The following PCLO variants were observed in gnomAD, a reference collection of about 807,000 sequenced individuals.
PCLO encodes piccolo presynaptic cytomatrix protein.
A neutral mutation model predicts 427.5 loss-of-function variants in PCLO; 82 were observed. The ratio of observed to expected loss-of-function variants is 0.19; its 90% CI spans 0.16 to 0.23. The LOEUF is 0.23. PCLO is among the 10% of genes least tolerant of loss of function. The probability of loss-of-function intolerance (pLI) is 1.00; values close to 1 mark genes in which losing one functional copy is unlikely to be tolerated. For synonymous variants in PCLO, 2,357 were observed against 2,155.4 expected (o/e 1.09, Z -2.59); for missense variants, 6,239 against 6,115.9 (o/e 1.02, Z -0.67).
At chr7:83,077,257 T>A (rs188204694) in intron 3 of PCLO, among the ~76,000 whole-genome samples, 1 of 152,258 alleles carries the variant, frequency 6.6e-6, no homozygotes, top group Admixed American at 6.5e-5. Context: ...GCTCTATTGT[T>A]ACCTCTTCTC....
chr7:82,806,133 T>C (rs1041794801), intron 20 of PCLO, among the ~76,000 whole-genome samples: 1 of 152,272 alleles, frequency 6.6e-6, no homozygotes, highest in Admixed American at 6.5e-5. Flanking sequence ...TGTGGTTTCT[T>C]TGTACAGTAT....
rs571969085 is a variant in PCLO, at chr7:82,919,158, G to A, written c.11113-2285C>T. On this transcript the variant is annotated intron_variant, in intron 6 of 24. Coordinates refer to ENST00000333891, the MANE Select transcript of PCLO (RefSeq NM_033026.6). ...ATGCTCTTATGTATTGATGGGTGCC[G>A]CAAACCACCATGGCACGTGTATACC... Among the ~76,000 whole-genome samples, 120 of 151,988 alleles carry A rather than the reference G, an allele frequency of 7.9e-4. 6 individuals are homozygous for A. The South Asian group carries it at 0.024, about 30-fold the overall frequency.
chr7:82,907,422 G>T (rs1311420972), intron 8 of PCLO, among the ~76,000 whole-genome samples: 3 of 151,904 alleles, frequency 2.0e-5, no homozygotes, highest in Non-Finnish European at 2.9e-5. Context: ...CACATTTAAA[G>T]AAGTTATTTT....
intron 3 of PCLO, among the ~76,000 whole-genome samples, chr7:83,120,102 T>C (rs1791237412): frequency 6.6e-6 from 1 of 151,990 alleles, no homozygotes; most frequent in Admixed American, 6.6e-5. Flanking sequence ...ACGATCAGAA[T>C]AGAAAGTTTA....
chr7:83,093,151 C>A (rs1307094434), intron 3 of PCLO, among the ~76,000 whole-genome samples: 1 of 151,652 alleles, frequency 6.6e-6, no homozygotes, highest in Non-Finnish European at 1.5e-5. Flanking sequence ...AATTGAAATG[C>A]AGAAAAATAT....
intron 3 of PCLO, among the ~76,000 whole-genome samples, chr7:83,038,031 T>TATATATA (rs1562932995): frequency 2.3e-3 from 39 of 17,232 alleles, no homozygotes; most frequent in Non-Finnish European, 3.2e-3. Context: ...ATATATATAT[T>TATATATA]TATATATTTA....
chr7:83,057,223 C>T (rs1418662074), intron 3 of PCLO, among the ~76,000 whole-genome samples: 2 of 140,154 alleles, frequency 1.4e-5, no homozygotes, highest in Non-Finnish European at 3.0e-5. Context: ...AGCTGTATTT[C>T]TAGTAGAGAC....
In PCLO at chr7:82,916,856, G is replaced by C. The variant is rs1303469274; in HGVS notation, c.11130C>G (p.Thr3710=). The C allele has an allele frequency of 6.2e-7, 1 of 1,612,360 alleles. No homozygotes were observed. The highest frequency in any genetic ancestry group is 1.3e-5 in the African/African-American group (1 of 74,762). Residue 3710 remains threonine, a synonymous_variant, in exon 7 of 25, where the codon ACC becomes ACG. Coordinates refer to ENST00000333891, the MANE Select transcript of PCLO (RefSeq NM_033026.6). ...TEGYTTKGSQ[T]MTSSGAQKKV... is the part of the protein sequence containing the mutation. ...TTTTCTGGGCTCCAGAGGATGTCAT[G>C]GTTTGAGAACCTTTAGTCTATAATC...
At chr7:82,842,293 G>C (rs946559602) in intron 13 of PCLO, among the ~76,000 whole-genome samples, 2 of 152,024 alleles carry the variant, frequency 1.3e-5, no homozygotes, top group Non-Finnish European at 2.9e-5. Context: ...AATGGGCAAA[G>C]GATAGTCTCT....
intron 3 of PCLO, among the ~76,000 whole-genome samples, chr7:83,065,016 A>G (rs774890264): frequency 2.0e-5 from 3 of 150,600 alleles, no homozygotes; most frequent in East Asian, 2.0e-4. Context: ...CGTTTTGTGT[A>G]CATTACCTCA....
At chr7:83,078,932 A>G (rs1790027079) in intron 3 of PCLO, among the ~76,000 whole-genome samples, 1 of 152,140 alleles carries the variant, frequency 6.6e-6, no homozygotes, top group Admixed American at 6.5e-5. Flanking sequence ...GAATACAACT[A>G]TCTTAAACAT....
At chr7:82,943,506 C>T (rs1394656374) in intron 6 of PCLO, among the ~76,000 whole-genome samples, 3 of 151,224 alleles carry the variant, frequency 2.0e-5, no homozygotes, top group Admixed American at 1.3e-4. Flanking sequence ...CTTTAAGATA[C>T]ATAAATCTTG....
At chr7:83,013,372 G>A (rs1004579861) in intron 3 of PCLO, among the ~76,000 whole-genome samples, 4 of 152,186 alleles carry the variant, frequency 2.6e-5, no homozygotes, top group Admixed American at 6.5e-5. Flanking sequence ...ATGCCTTCTC[G>A]TATATTCAGT....
chr7:83,079,862 C>A (rs1259846405), intron 3 of PCLO, among the ~76,000 whole-genome samples: 4 of 151,554 alleles, frequency 2.6e-5, no homozygotes, highest in African/African-American at 9.8e-5. Flanking sequence ...TTTCCTAATG[C>A]TCTCCCTCCT....
intron 6 of PCLO, among the ~76,000 whole-genome samples, chr7:82,936,838 A>G (rs1438178601): frequency 6.6e-6 from 1 of 151,776 alleles, no homozygotes; most frequent in Non-Finnish European, 1.5e-5. Context: ...AAGTACTGAT[A>G]CTTGCTACAA....
chr7:83,162,293 G>C, intron 1 of PCLO, 52 bp downstream of exon 1: 2 of 1,521,936 alleles, frequency 1.3e-6, no homozygotes, highest in Non-Finnish European at 1.8e-6. Context: ...GCACATATGT[G>C]CACGGGAAGC....
At chr7:82,899,311 G>A (rs534660960) in intron 9 of PCLO, among the ~76,000 whole-genome samples, 1 of 151,424 alleles carries the variant, frequency 6.6e-6, no homozygotes, top group Non-Finnish European at 1.5e-5. Context: ...AGCCAGGAGT[G>A]TAAATATTCT....
intron 3 of PCLO, among the ~76,000 whole-genome samples, chr7:83,024,098 G>A (rs1233689217): frequency 6.6e-6 from 1 of 152,174 alleles, no homozygotes; most frequent in Non-Finnish European, 1.5e-5. Context: ...GCTCACTCAA[G>A]GAGCCAAGAT....
chr7:83,016,780 C>T (rs951302793), intron 3 of PCLO, among the ~76,000 whole-genome samples: 2 of 152,140 alleles, frequency 1.3e-5, no homozygotes, highest in East Asian at 1.9e-4. Flanking sequence ...GAAGAATGGA[C>T]GCTGCGTACT....
Sources: gnomAD v4.1 joint callset for allele counts (sites outside exome capture counted in the v4.1 genomes callset) on GRCh38, gnomAD v4.1.1 for gene constraint, MANE v1.5 for transcripts, NCBI Gene and HGNC (gene_info 2026-07-23, HGNC 2026-07-21) for gene names.